LRFN5: variants seen among roughly 807,000 people sequenced by gnomAD.
LRFN5 encodes leucine rich repeat and fibronectin type III domain containing 5.
LRFN5 carries 24 observed loss-of-function variants against 45.6 expected under a neutral mutation model. The observed-to-expected ratio is 0.53, with a 90% CI of 0.38 to 0.74. The LOEUF (loss-of-function observed/expected upper bound fraction) is 0.74. LRFN5 is among the 30% of genes least tolerant of loss of function. The pLI, the probability that LRFN5 is intolerant of heterozygous loss-of-function variation, is 0.00. For synonymous variants in LRFN5, 340 were observed against 313.8 expected, an observed-to-expected ratio of 1.08 and a Z score of -0.88; for missense variants, 776 against 861.5, an observed-to-expected ratio of 0.90 and a Z score of 1.24.
In LRFN5 at chr14:41,631,911, A is replaced by G. The variant is rs76979715; in HGVS notation, c.-197+23349A>G. ...AGGACTTTGGTTTTCATTATGAAAG[A>G]GATGAGAAGCCACGGAGAGTTTTGA... On this transcript the variant is annotated intron_variant, in intron 1 of 5. Coordinates refer to ENST00000298119, the MANE Select transcript of LRFN5 (RefSeq NM_152447.5). Among the ~76,000 whole-genome samples the G allele has an allele frequency of 8.2e-3, 1,245 of 152,300 alleles. 18 individuals are homozygous for G. Among genetic ancestry groups the G allele is most frequent in the African/African-American group, 0.027 (1,117 of 41,576 alleles).
At chr14:41,735,812 G>A (rs1884406079) in intron 1 of LRFN5, among the ~76,000 whole-genome samples, 1 of 151,846 alleles carries the variant, frequency 6.6e-6, no homozygotes, top group Admixed American at 6.6e-5. Context: ...GTGTCCATGT[G>A]TTCTCATTGT....
intron 2 of LRFN5, among the ~76,000 whole-genome samples, chr14:41,843,296 G>A (rs2139058465): frequency 6.6e-6 from 1 of 151,914 alleles, no homozygotes; most frequent in Admixed American, 6.5e-5. Context: ...GTCTCACTAT[G>A]TTTCCCATGG....
chr14:41,900,229 T>C (rs2139179267), intron 5 of LRFN5, among the ~76,000 whole-genome samples: 1 of 152,234 alleles, frequency 6.6e-6, no homozygotes, highest in Non-Finnish European at 1.5e-5. Context: ...GCCAAAATGG[T>C]ACTAAATGTT....
intron 1 of LRFN5, among the ~76,000 whole-genome samples, chr14:41,698,007 A>G (rs1410936749): frequency 1.3e-5 from 2 of 151,972 alleles, no homozygotes; most frequent in Non-Finnish European, 2.9e-5. Flanking sequence ...TTGCTATCCT[A>G]GGAATTATAG....
chr14:41,702,307 C>A (rs562819257), intron 1 of LRFN5, among the ~76,000 whole-genome samples: 2 of 152,156 alleles, frequency 1.3e-5, no homozygotes, highest in African/African-American at 4.8e-5. Flanking sequence ...AAGCGACATA[C>A]AAGGATGCTG....
rs76584505 is a variant in LRFN5 at position 41,667,862 on chromosome 14, T to A, written c.-197+59300T>A. On this transcript the variant is annotated intron_variant, in intron 1 of 5. Coordinates refer to ENST00000298119, the MANE Select transcript of LRFN5 (RefSeq NM_152447.5). ...ACAGTTTATACCTATTTATAATTAG[T>A]TATTTGTGATTCTTGAACATACAAG... Among the ~76,000 whole-genome samples, 1,413 of 152,300 alleles carry A rather than the reference T, an allele frequency of 9.3e-3. 6 individuals are homozygous for A. The highest frequency in any genetic ancestry group is 0.02 in the East Asian group (103 of 5,186).
rs1402994585 is a variant in LRFN5, at chr14:41,607,328, G to A, written c.-1431G>A. The stretch of plus-strand genomic sequence containing the variant: ...AGAAAAAAAAAGCGCAACTGGACGG[G>A]GGTGGGGCAGACCAACGAAACCTAG... On this transcript the variant is annotated 5_prime_UTR_variant, in exon 1 of 6. Coordinates refer to ENST00000298119, the MANE Select transcript of LRFN5 (RefSeq NM_152447.5). Among the ~76,000 whole-genome samples, 1 of 152,124 alleles carries A rather than the reference G, an allele frequency of 6.6e-6. No individual in the cohort carries two copies. Among genetic ancestry groups the A allele is most frequent in the Non-Finnish European group, 1.5e-5 (1 of 68,008 alleles).
intron 1 of LRFN5, among the ~76,000 whole-genome samples, chr14:41,613,808 A>G (rs913968975): frequency 3.3e-5 from 5 of 152,024 alleles, no homozygotes; most frequent in African/African-American, 1.2e-4. Context: ...AGCCTAAACA[A>G]TGCTGTTTAT....
chr14:41,847,189 A>G (rs1359190085), intron 2 of LRFN5, among the ~76,000 whole-genome samples: 2 of 152,070 alleles, frequency 1.3e-5, no homozygotes, highest in Non-Finnish European at 1.5e-5. Flanking sequence ...CTTCTGCTCC[A>G]TGAGGTTAGT....
chr14:41,760,002 C>T (rs66697791), intron 1 of LRFN5, among the ~76,000 whole-genome samples: 13,360 of 152,194 alleles, frequency 0.088, 792 homozygotes, highest in Non-Finnish European at 0.12. Context: ...CCAGTGGTTA[C>T]ATCTTGCATA....
chr14:41,866,568 A>G (rs1889847461), intron 2 of LRFN5, among the ~76,000 whole-genome samples: 1 of 152,066 alleles, frequency 6.6e-6, no homozygotes, highest in South Asian at 2.1e-4. Context: ...ACTCCCTCGA[A>G]CCTGGTCTTA....
intron 1 of LRFN5, among the ~76,000 whole-genome samples, chr14:41,653,356 G>T (rs1430728536): frequency 6.6e-6 from 1 of 152,026 alleles, no homozygotes; most frequent in East Asian, 1.9e-4. Flanking sequence ...GTAAGGTAGG[G>T]TTCAGTTTCA....
At chr14:41,878,292 A>G (rs1420405523) in intron 2 of LRFN5, among the ~76,000 whole-genome samples, 1 of 152,182 alleles carries the variant, frequency 6.6e-6, no homozygotes, top group Non-Finnish European at 1.5e-5. Flanking sequence ...AAGGGGCAGT[A>G]ATTGAATTAA....
intron 4 of LRFN5, among the ~76,000 whole-genome samples, chr14:41,897,194 A>G (rs1477389930): frequency 6.6e-6 from 1 of 151,774 alleles, no homozygotes; most frequent in Non-Finnish European, 1.5e-5. Context: ...ATGTGGTGTT[A>G]TCTTGAAGAG....
rs1388292342 is a variant in LRFN5 at position 41,628,783 on chromosome 14, C to T, written c.-197+20221C>T. 2.0e-5 allele frequency among the ~76,000 whole-genome samples: 3 copies of T among 152,072 alleles called. No individual in the cohort carries two copies. The East Asian group carries it at 5.8e-4, about 29-fold the overall frequency. ...GCATTGAAGATATAGAGTGGATTTG[C>T]ACGTGTGGGGACTGTGATAAAACAG... On this transcript the variant is annotated intron_variant, in intron 1 of 5. Transcript: ENST00000298119.
Position 41,868,959 on chromosome 14 carries a change from G to A in LRFN5, c.-20-17647G>A, listed in dbSNP as rs544176526. Among the ~76,000 whole-genome samples the A allele has an allele frequency of 9.2e-5, 14 of 152,094 alleles. No homozygotes were observed. In the South Asian group the frequency reaches 1.0e-3, roughly 11 times the overall value. On this transcript the variant is annotated intron_variant, in intron 2 of 5. Transcript: ENST00000298119. Reference sequence around the variant, plus strand: ...AAATAAACATAGTGCACACGTTTACGCTAATCACTTAATTTGCATTTAGTT... The same window carrying A: ...AAATAAACATAGTGCACACGTTTACACTAATCACTTAATTTGCATTTAGTT...
At position 41,856,675 on chromosome 14, in the gene LRFN5, A is replaced by ATTATTTTTTTTTTTTTTTTTTTTTTTT; in HGVS notation, c.-20-29929_-20-29928insATTTTTTTTTTTTTTTTTTTTTTTTTT. On this transcript the variant is annotated intron_variant, in intron 2 of 5. Transcript: ENST00000298119. The stretch of plus-strand genomic sequence containing the variant: ...TTCTTTCCTAATTATTATTATTATT[A>ATTATTTTTTTTTTTTTTTTTTTTTTTT]TTTTTTTTTTTTTTTTTTTGAGACG... Among the ~76,000 whole-genome samples, 9 of 18,336 alleles carry ATTATTTTTTTTTTTTTTTTTTTTTTTT rather than the reference A, an allele frequency of 4.9e-4. 3 individuals are homozygous for ATTATTTTTTTTTTTTTTTTTTTTTTTT. Among genetic ancestry groups the ATTATTTTTTTTTTTTTTTTTTTTTTTT allele is most frequent in the African/African-American group, 6.4e-4 (5 of 7,820 alleles). 12.0% of individuals were successfully genotyped at this position (18,336 alleles called of 152,430 possible).
At chr14:41,768,678 C>G (rs1024842282) in intron 2 of LRFN5, among the ~76,000 whole-genome samples, 1 of 151,906 alleles carries the variant, frequency 6.6e-6, no homozygotes, top group Non-Finnish European at 1.5e-5. Context: ...ACAAGAAACT[C>G]CAGAGATTTT....
At chr14:41,645,867 C>G (rs1468348185) in intron 1 of LRFN5, among the ~76,000 whole-genome samples, 1 of 152,156 alleles carries the variant, frequency 6.6e-6, no homozygotes, top group Non-Finnish European at 1.5e-5. Context: ...TTTGGGGCTA[C>G]ATTTTCATGT....
Sources: allele counts gnomAD v4.1 joint callset (sites outside exome capture counted in the v4.1 genomes callset), GRCh38; gene constraint gnomAD v4.1.1; transcripts MANE v1.5; gene names NCBI Gene and HGNC (gene_info 2026-07-23, HGNC 2026-07-21).